Variants in ERI1 observed in about 807,000 individuals in gnomAD.
ERI1 encodes exoribonuclease 1, also known as 3'-5' exoribonuclease 1.
In ERI1, 39 loss-of-function variants were observed where a neutral mutation model predicts 39.7. That is an observed-to-expected ratio of 0.98 (90% CI 0.76 to 1.28). The LOEUF is 1.28. Ranked by LOEUF, ERI1 falls within the 50% of genes most tolerant of loss-of-function variation. ERI1 has a pLI of 0.00. For synonymous variants in ERI1, 204 were observed against 149.6 expected (o/e 1.36, Z -2.65); for missense variants, 581 against 416.9 (o/e 1.39, Z -3.43).
chr8:9,039,982 A>T (rs1311835298), intron 3 of ERI1, among the ~76,000 whole-genome samples: 1 of 152,208 alleles, frequency 6.6e-6, no homozygotes, highest in Non-Finnish European at 1.5e-5. Flanking sequence ...TTCCAAGTAC[A>T]ATTAAAATAT....
chr8:9,038,302 C>T (rs1056607566), downstream of ERI1, among the ~76,000 whole-genome samples: 11 of 152,196 alleles, frequency 7.2e-5, no homozygotes, highest in Non-Finnish European at 1.5e-5. Context: ...TCCATAGTTT[C>T]AGTTACCCAA....
intron 3 of ERI1, among the ~76,000 whole-genome samples, chr8:9,074,784 A>T (rs965048042): frequency 1.2e-4 from 19 of 152,142 alleles, no homozygotes; most frequent in African/African-American, 4.3e-4. Context: ...TTCCTGTCAT[A>T]TTTCCTTTTT....
At chr8:9,063,776 G>A (rs896908583) in intron 3 of ERI1, among the ~76,000 whole-genome samples, 1 of 152,154 alleles carries the variant, frequency 6.6e-6, no homozygotes, top group Non-Finnish European at 1.5e-5. Flanking sequence ...GCCGTTTTCT[G>A]GCTATTTGGA....
At chr8:9,093,764 A>G (rs961339402) in intron 3 of ERI1, among the ~76,000 whole-genome samples, 7 of 152,028 alleles carry the variant, frequency 4.6e-5, no homozygotes, top group Admixed American at 1.3e-4. Context: ...TTTAGTAGAG[A>G]TGGAGTTTCA....
intron 3 of ERI1, among the ~76,000 whole-genome samples, chr8:9,045,033 C>T (rs537506049): frequency 1.1e-3 from 170 of 151,862 alleles, no homozygotes; most frequent in Non-Finnish European, 2.1e-3. Context: ...GTCAGGAGAT[C>T]GAGACCATCC....
chr8:9,020,324 A>AT (rs750661290), intron 5 of ERI1, 26 bp from the exon 6 acceptor site: 16 of 1,346,346 alleles, frequency 1.2e-5, no homozygotes, highest in South Asian at 1.1e-4. Flanking sequence ...TATTTCATCA[A>AT]TTTTTTGTCC....
At chr8:9,018,082 C>T (rs921940325) in intron 4 of ERI1, among the ~76,000 whole-genome samples, 6 of 152,114 alleles carry the variant, frequency 3.9e-5, no homozygotes, top group Admixed American at 2.0e-4. Flanking sequence ...GAGGATTATA[C>T]TTTTCAGTTG....
At chr8:9,043,711 A>T (rs992596303) in intron 3 of ERI1, among the ~76,000 whole-genome samples, 3 of 152,098 alleles carry the variant, frequency 2.0e-5, no homozygotes, top group African/African-American at 7.2e-5. Flanking sequence ...TTTATTGGAG[A>T]TATTATTTTT....
At chr8:9,046,978 G>T (rs1396074062) in intron 3 of ERI1, among the ~76,000 whole-genome samples, 3 of 152,156 alleles carry the variant, frequency 2.0e-5, no homozygotes, top group African/African-American at 7.2e-5. Context: ...TGTGAACTGG[G>T]CTGAGATTTT....
Position 9,007,825 on chromosome 8 carries a change from A to G in ERI1, c.109-145A>G, listed in dbSNP as rs1482719868. 1.9e-5 allele frequency: 23 copies of G among 1,224,666 alleles called. No homozygotes were observed. The East Asian group carries it at 5.9e-4, about 32-fold the overall frequency. 75.9% of individuals were successfully genotyped at this position (1,224,666 alleles called of 1,614,324 possible). A position where few individuals can be genotyped will look rare whatever the true frequency, so the allele number is the denominator to read the frequency against. On this transcript the variant is annotated intron_variant, in intron 1 of 6. Transcript: ENST00000250263. Reference sequence around the variant, plus strand: ...TTCCTTCTTATCCTTTCCTCCGTTTAGGAGCTGCAGTGAACACTTTTCATT... The same window carrying G: ...TTCCTTCTTATCCTTTCCTCCGTTTGGGAGCTGCAGTGAACACTTTTCATT...
intron 3 of ERI1, among the ~76,000 whole-genome samples, chr8:9,071,219 G>T (rs10091937): frequency 0.092 from 14,008 of 152,232 alleles, 1,174 homozygotes; most frequent in East Asian, 0.23. Context: ...TACGAGGTCA[G>T]TTTTTCCTAA....
chr8:9,090,033 A>G (rs1476776849), intron 3 of ERI1, among the ~76,000 whole-genome samples: 3 of 152,020 alleles, frequency 2.0e-5, no homozygotes, highest in Admixed American at 6.6e-5. Flanking sequence ...ATTTTTTTGG[A>G]TTGTCATCAG....
intron 2 of ERI1, among the ~76,000 whole-genome samples, chr8:9,009,725 A>C (rs1175475874): frequency 6.6e-6 from 1 of 152,078 alleles, no homozygotes; most frequent in Non-Finnish European, 1.5e-5. Flanking sequence ...TTTTTAGTGA[A>C]GATAGGGTTT....
chr8:9,016,479 T>G (rs1817300653), intron 4 of ERI1, 74 bp downstream of exon 4: 4 of 857,702 alleles, frequency 4.7e-6, no homozygotes, highest in Non-Finnish European at 7.1e-6. Context: ...ATACATAATT[T>G]AAAAAAATTA....
intron 6 of ERI1, among the ~76,000 whole-genome samples, chr8:9,022,096 C>T (rs748144322): frequency 2.0e-5 from 3 of 151,654 alleles, no homozygotes; most frequent in Non-Finnish European, 4.4e-5. Flanking sequence ...GGAATTGTAC[C>T]AGTTTGCACT....
At chr8:9,082,349 GAGTTGCCAAGTCACCAGT>G (rs1799396926) in intron 3 of ERI1, among the ~76,000 whole-genome samples, 1 of 152,302 alleles carries the variant, frequency 6.6e-6, no homozygotes, top group South Asian at 2.1e-4. Context: ...ACATGCTAAT[GAGTTGCCAAGTCACCAGT>G]AGGCAGGAAA....
At chr8:9,036,024 A>AT (rs1381252498), downstream of ERI1, among the ~76,000 whole-genome samples, 1 of 152,212 alleles carries the variant, frequency 6.6e-6, no homozygotes, top group Non-Finnish European at 1.5e-5. Context: ...ATGTGACTGA[A>AT]TTGCTGCAGC....
intron 6 of ERI1, among the ~76,000 whole-genome samples, chr8:9,029,081 C>T (rs949977573): frequency 2.0e-5 from 3 of 150,626 alleles, no homozygotes; most frequent in African/African-American, 7.3e-5. Context: ...TTATCTTTAG[C>T]CATCCAAAAA....
At chr8:9,088,267 TA>T (rs768858551) in intron 3 of ERI1, among the ~76,000 whole-genome samples, 532 of 141,374 alleles carry the variant, frequency 3.8e-3, no homozygotes, top group Middle Eastern at 7.1e-3. Flanking sequence ...CTCTGTAAAT[TA>T]AAAAAAAAAA....
Sources: gnomAD v4.1 joint callset for allele counts (sites outside exome capture counted in the v4.1 genomes callset) on GRCh38, gnomAD v4.1.1 for gene constraint, MANE v1.5 for transcripts, NCBI Gene and HGNC (gene_info 2026-07-23, HGNC 2026-07-21) for gene names.